The following MITF variants were observed in gnomAD, a reference collection of about 807,000 sequenced individuals.
MITF encodes the protein microphthalmia-associated transcription factor.
A neutral mutation model predicts 60.5 loss-of-function variants in MITF; 17 were observed. The ratio of observed to expected loss-of-function variants is 0.28; its 90% confidence interval spans 0.19 to 0.42. The LOEUF is 0.42. Ranked by LOEUF, MITF falls within the 10% of genes least tolerant of loss-of-function variation. The pLI, the probability that MITF is intolerant of heterozygous loss-of-function variation, is 1.00. For missense variants in MITF, 622 were observed against 683.5 expected (o/e 0.91, Z 1.00); for synonymous variants, 260 against 248.5 (o/e 1.05, Z -0.43).
chr3:69,747,877 T>G (rs2106758518), intron 1 of MITF, among the ~76,000 whole-genome samples: 1 of 152,354 alleles, frequency 6.6e-6, no homozygotes, highest in South Asian at 2.1e-4. Flanking sequence ...GATTTTTAAT[T>G]ACTTTTTTGG....
intron 1 of MITF, among the ~76,000 whole-genome samples, chr3:69,845,918 A>C (rs935745249): frequency 3.9e-5 from 6 of 152,322 alleles, no homozygotes; most frequent in Non-Finnish European, 8.8e-5. Flanking sequence ...TAAAAAGAAC[A>C]CTAGGTTAAT....
intron 1 of MITF, among the ~76,000 whole-genome samples, chr3:69,830,738 A>G (rs2063433064): frequency 1.3e-5 from 2 of 151,832 alleles, no homozygotes; most frequent in Non-Finnish European, 2.9e-5. Flanking sequence ...CAGATATGAT[A>G]TCTGTCTCTC....
At chr3:69,807,528 G>A (rs2063029279) in intron 1 of MITF, among the ~76,000 whole-genome samples, 1 of 152,174 alleles carries the variant, frequency 6.6e-6, no homozygotes, top group Non-Finnish European at 1.5e-5. Flanking sequence ...ATTAATGAAT[G>A]GAAATGTAAT....
intron 1 of MITF, among the ~76,000 whole-genome samples, chr3:69,876,066 T>C (rs1018670904): frequency 6.6e-6 from 1 of 152,348 alleles, no homozygotes; most frequent in Admixed American, 6.5e-5. Flanking sequence ...CATACATACG[T>C]ATTTTTTTTT....
chr3:69,838,476 G>A (rs955472638), intron 1 of MITF: 1 of 152,638 alleles, frequency 6.6e-6, no homozygotes, highest in Non-Finnish European at 1.5e-5. Context: ...ATTTGCAGAA[G>A]TTCTTTAATA....
chr3:69,958,501 T>C (rs1425019294), intron 8 of MITF, among the ~76,000 whole-genome samples: 1 of 152,012 alleles, frequency 6.6e-6, no homozygotes, highest in Non-Finnish European at 1.5e-5. Context: ...CATTCACCGG[T>C]TCCACCTGAT....
intron 1 of MITF, among the ~76,000 whole-genome samples, chr3:69,835,588 C>T (rs566204930): frequency 6.6e-6 from 1 of 152,092 alleles, no homozygotes; most frequent in Non-Finnish European, 1.5e-5. Flanking sequence ...GTGTTTTCTT[C>T]TAGTAGAGTC....
intron 2 of MITF, among the ~76,000 whole-genome samples, chr3:69,881,384 G>T (rs1432518983): frequency 6.6e-6 from 1 of 151,954 alleles, no homozygotes; most frequent in Non-Finnish European, 1.5e-5. Context: ...AGGAATTATT[G>T]CCATAGCTAT....
In MITF at chr3:69,959,361, C is replaced by T. The variant is rs780602285; in HGVS notation, c.1120C>T (p.Leu374Phe). 1 of 1,613,984 alleles carries T rather than the reference C, an allele frequency of 6.2e-7. No homozygotes were observed. The highest frequency in any genetic ancestry group is 8.5e-7 in the Non-Finnish European group (1 of 1,179,940). Residue 374 changes from leucine to phenylalanine, a missense_variant, in exon 9 of 10, where the codon CTT (leucine) becomes TTT (phenylalanine). This residue lies in a region of MITF where 224 missense variants were observed against 209.5 expected (regional missense o/e 1.07). Coordinates refer to ENST00000352241, the MANE Select transcript of MITF (RefSeq NM_001354604.2). ...LQREQQRAKELENRQKKLEHA... is the reference protein window; with the variant it reads ...LQREQQRAKEFENRQKKLEHA... The stretch of plus-strand genomic sequence containing the variant: ...ACGAGAACAGCAACGCGCAAAAGAA[C>T]TTGAAAACCGACAGAAGAAACTGGA...
At chr3:69,776,706 A>G (rs184181155) in intron 1 of MITF, among the ~76,000 whole-genome samples, 1 of 152,306 alleles carries the variant, frequency 6.6e-6, no homozygotes, top group East Asian at 1.9e-4. Context: ...TAATATGCGG[A>G]TGATTCTAGT....
At chr3:69,888,072 A>G (rs1314046497) in intron 2 of MITF, among the ~76,000 whole-genome samples, 2 of 152,070 alleles carry the variant, frequency 1.3e-5, no homozygotes, top group Non-Finnish European at 2.9e-5. Context: ...AAAAGTAGTT[A>G]AGAGGCCCAA....
intron 4 of MITF, 105 bp downstream of exon 4, chr3:69,939,286 G>GTTT (rs373274886): frequency 2.3e-4 from 176 of 756,514 alleles, no homozygotes; most frequent in Admixed American, 2.8e-4. Context: ...TTCCCCCATT[G>GTTT]TTTTTTTTTT....
chr3:69,775,585 A>G (rs1347841933), intron 1 of MITF, among the ~76,000 whole-genome samples: 21 of 152,202 alleles, frequency 1.4e-4, no homozygotes, highest in Admixed American at 1.4e-3. Flanking sequence ...AATTTATTTT[A>G]CAATATTTGC....
At chr3:69,924,074 A>T (rs896010692) in intron 2 of MITF, among the ~76,000 whole-genome samples, 2 of 152,192 alleles carry the variant, frequency 1.3e-5, no homozygotes, top group African/African-American at 4.8e-5. Context: ...TTTTGATCTG[A>T]AAAGGTCAAT....
At chr3:69,942,609 C>G (rs2065995181) in intron 5 of MITF, among the ~76,000 whole-genome samples, 1 of 152,062 alleles carries the variant, frequency 6.6e-6, no homozygotes, top group Admixed American at 6.6e-5. Flanking sequence ...AACCCACCCC[C>G]TGATTTTGGA....
At chr3:69,808,689 G>A (rs1475203650) in intron 1 of MITF, among the ~76,000 whole-genome samples, 3 of 152,072 alleles carry the variant, frequency 2.0e-5, no homozygotes, top group Admixed American at 1.3e-4. Context: ...AGAGCCTGGT[G>A]AGGGAAGAGG....
At chr3:69,878,057 A>G (rs2064394736) in intron 1 of MITF, among the ~76,000 whole-genome samples, 1 of 152,204 alleles carries the variant, frequency 6.6e-6, no homozygotes, top group African/African-American at 2.4e-5. Flanking sequence ...TTGAGCCAGT[A>G]CTACATGGTA....
rs79984046 is a variant in MITF at position 69,884,238 on chromosome 3, C to T, written c.354+4855C>T. The stretch of plus-strand genomic sequence containing the variant: ...CTTCCGTCATGTTCCCTGGAAGGAA[C>T]GACTGTTAACAGTTTAGGATGCAGC... On this transcript the variant is annotated intron_variant, in intron 2 of 9. Coordinates refer to ENST00000352241, the MANE Select transcript of MITF (RefSeq NM_001354604.2). Among the ~76,000 whole-genome samples, 57 of 152,198 alleles carry T rather than the reference C, an allele frequency of 3.7e-4. No individual in the cohort carries two copies. The East Asian group carries it at 9.7e-3, about 26-fold the overall frequency.
intron 1 of MITF, chr3:69,752,189 T>C (rs1252015865): frequency 6.6e-6 from 1 of 152,202 alleles, no homozygotes. Context: ...TATTTCTTTA[T>C]AGCAATGTGG....
Sources: allele counts gnomAD v4.1 joint callset (sites outside exome capture counted in the v4.1 genomes callset), GRCh38; gene constraint gnomAD v4.1.1; regional missense constraint gnomAD v4.1.1; transcripts MANE v1.5; gene names NCBI Gene and HGNC (gene_info 2026-07-23, HGNC 2026-07-21).